The following DDAH1 variants were observed in gnomAD, a reference collection of about 807,000 sequenced individuals.
DDAH1 encodes dimethylarginine dimethylaminohydrolase 1.
A neutral mutation model predicts 28.8 loss-of-function variants in DDAH1; 19 were observed. The observed-to-expected ratio is 0.66, with a 90% CI of 0.46 to 0.97. The LOEUF (loss-of-function observed/expected upper bound fraction) is 0.97, where lower values mean the gene tolerates loss of function less well. DDAH1 is among the 50% of genes least tolerant of loss of function. The pLI, the probability that DDAH1 is intolerant of heterozygous loss-of-function variation, is 0.00. For synonymous variants in DDAH1, 153 were observed against 154.4 expected (o/e 0.99, Z 0.07); for missense variants, 326 against 375.9 (o/e 0.87, Z 1.10).
chr1:85,499,120 AC>A (rs1187965367), intron 1 of DDAH1, among the ~76,000 whole-genome samples: 8 of 134,590 alleles, frequency 5.9e-5, no homozygotes, highest in African/African-American at 2.3e-4. Context: ...GAATAAAAAA[AC>A]AAGAACTAAT....
chr1:85,408,293 C>CT (rs36103030), intron 1 of DDAH1, among the ~76,000 whole-genome samples: 77 of 145,684 alleles, frequency 5.3e-4, no homozygotes, highest in South Asian at 1.9e-3. Flanking sequence ...CTCCTTCTTC[C>CT]TTTTTTTTTT....
chr1:85,576,693 C>G (rs540771899), intron 1 of DDAH1: 1 of 152,544 alleles, frequency 6.6e-6, no homozygotes, highest in Non-Finnish European at 1.5e-5. Flanking sequence ...CTCGCTGCCC[C>G]GCTGGGAGGA....
rs114598835 is a variant in DDAH1 at position 85,487,679 on chromosome 1, C to T, written c.-7+8487G>A. Among the ~76,000 whole-genome samples, 329 of 152,268 alleles carry T rather than the reference C, an allele frequency of 2.2e-3. 1 individual carries two copies. Among genetic ancestry groups the T allele is most frequent in the African/African-American group, 7.5e-3 (312 of 41,554 alleles). ...TCAAAAAGTATAAAAAGATATACAGCAATGTCTCCTTTCCTCCCTTATTCT... is the reference window on the plus strand; with the variant it reads ...TCAAAAAGTATAAAAAGATATACAGTAATGTCTCCTTTCCTCCCTTATTCT... On this transcript the variant is annotated intron_variant, in intron 2 of 6. Transcript: ENST00000426972.
chr1:85,570,364 T>TCTCACACACACA (rs1553149612), intron 1 of DDAH1, among the ~76,000 whole-genome samples: 1 of 145,468 alleles, frequency 6.9e-6, no homozygotes, highest in African/African-American at 2.6e-5. Context: ...ACACACACTG[T>TCTCACACACACA]CACACACACA....
intron 5 of DDAH1, among the ~76,000 whole-genome samples, chr1:85,324,048 C>T (rs1403558729): frequency 6.6e-6 from 1 of 150,548 alleles, no homozygotes; most frequent in East Asian, 1.9e-4. Flanking sequence ...GGCGGGCAGA[C>T]TGCTTGAGCT....
intron 1 of DDAH1, among the ~76,000 whole-genome samples, chr1:85,443,911 T>G (rs1039592841): frequency 5.9e-5 from 9 of 152,224 alleles, no homozygotes; most frequent in African/African-American, 1.4e-4. Flanking sequence ...AAGGAGATTT[T>G]GGGCTGAGAC....
rs529414447 is a variant in DDAH1 at position 85,431,932 on chromosome 1, C to G, written c.303+32811G>C. On this transcript the variant is annotated intron_variant, in intron 1 of 5. Coordinates refer to ENST00000284031, the MANE Select transcript of DDAH1 (RefSeq NM_012137.4). ...CATGATAATTTCCCACAACCTCAGG[C>G]ACCTGATCTATGCTAACATACCAAA... Among the ~76,000 whole-genome samples, 55 of 152,288 alleles carry G rather than the reference C, an allele frequency of 3.6e-4. 1 individual carries two copies. In the South Asian group the frequency reaches 0.011, roughly 31 times the overall value.
intron 1 of DDAH1, among the ~76,000 whole-genome samples, chr1:85,381,689 C>T (rs1232264865): frequency 6.6e-6 from 1 of 151,716 alleles, no homozygotes; most frequent in African/African-American, 2.4e-5. Flanking sequence ...TGTTTTATTG[C>T]ACTTTGCTTT....
At chr1:85,427,909 T>C (rs1653487220) in intron 1 of DDAH1, among the ~76,000 whole-genome samples, 1 of 152,194 alleles carries the variant, frequency 6.6e-6, no homozygotes, top group African/African-American at 2.4e-5. Flanking sequence ...AGGTGTCAAA[T>C]GTCTCCTCTA....
chr1:85,374,859 GA>G (rs1650575719), intron 1 of DDAH1, among the ~76,000 whole-genome samples: 3 of 152,206 alleles, frequency 2.0e-5, no homozygotes, highest in Admixed American at 2.0e-4. Context: ...ATTATCTTCT[GA>G]AAACAGTCTT....
intron 1 of DDAH1, among the ~76,000 whole-genome samples, chr1:85,565,450 G>A (rs1659269010): frequency 6.6e-6 from 1 of 152,096 alleles, no homozygotes; most frequent in Admixed American, 6.6e-5. Context: ...TCAATTTCCT[G>A]GTTTGATATT....
chr1:85,498,279 C>T (rs752257168), intron 1 of DDAH1, among the ~76,000 whole-genome samples: 5 of 152,122 alleles, frequency 3.3e-5, no homozygotes, highest in South Asian at 2.1e-4. Context: ...ACTTCACATA[C>T]GACATTTGGA....
intron 2 of DDAH1, among the ~76,000 whole-genome samples, chr1:85,477,326 G>A (rs1655837897): frequency 6.6e-6 from 1 of 152,108 alleles, no homozygotes; most frequent in Non-Finnish European, 1.5e-5. Flanking sequence ...ATAAATACGT[G>A]CCTCCCCAAT....
chr1:85,410,336 CT>C (rs912507974), intron 1 of DDAH1, among the ~76,000 whole-genome samples: 1 of 151,048 alleles, frequency 6.6e-6, no homozygotes, highest in African/African-American at 2.4e-5. Context: ...ATGTTTATCT[CT>C]TTTTGAGAAA....
chr1:85,354,333 G>A (rs1298748491), intron 2 of DDAH1, among the ~76,000 whole-genome samples: 1 of 151,984 alleles, frequency 6.6e-6, no homozygotes, highest in Non-Finnish European at 1.5e-5. Flanking sequence ...TGGTTAATTA[G>A]ATGCTCATTC....
intron 2 of DDAH1, among the ~76,000 whole-genome samples, chr1:85,476,508 G>A (rs1655810502): frequency 6.6e-6 from 1 of 151,922 alleles, no homozygotes; most frequent in East Asian, 1.9e-4. Context: ...CCTCCACACA[G>A]GTCCCTTCTT....
chr1:85,328,739 T>C (rs1238955394), intron 4 of DDAH1, among the ~76,000 whole-genome samples: 1 of 152,216 alleles, frequency 6.6e-6, no homozygotes, highest in African/African-American at 2.4e-5. Context: ...AGAACATGTA[T>C]ACACAACCAC....
intron 1 of DDAH1, among the ~76,000 whole-genome samples, chr1:85,525,224 A>T (rs543544587): frequency 3.0e-4 from 45 of 152,172 alleles, no homozygotes; most frequent in Admixed American, 2.6e-3. Flanking sequence ...CTTGGAGTAG[A>T]GTGTGGATGC....
chr1:85,353,595 G>A (rs1649343494), intron 2 of DDAH1, among the ~76,000 whole-genome samples: 1 of 151,946 alleles, frequency 6.6e-6, no homozygotes, highest in Admixed American at 6.6e-5. Context: ...TTAACTCAAG[G>A]AGAGGTATTT....
Sources: allele counts gnomAD v4.1 joint callset (sites outside exome capture counted in the v4.1 genomes callset), GRCh38; gene constraint gnomAD v4.1.1; transcripts MANE v1.5; gene names NCBI Gene and HGNC (gene_info 2026-07-23, HGNC 2026-07-21).